NBPF19: variants seen among roughly 807,000 people sequenced by gnomAD.
The protein encoded by NBPF19 is NBPF family member NBPF19.
NBPF19 carries 30 observed loss-of-function variants against 45.9 expected under a neutral mutation model. The observed-to-expected ratio is 0.65, with a 90% CI of 0.49 to 0.89. NBPF19 has a LOEUF of 0.89. NBPF19 is among the 40% of genes least tolerant of loss of function. The pLI is 0.00. For synonymous variants in NBPF19, 183 were observed against 181.2 expected (o/e 1.01, Z -0.08); for missense variants, 495 against 471.8 (o/e 1.05, Z -0.46).
chr1:149,483,855 T>C (rs2085352565), intron 7 of NBPF19, among the ~76,000 whole-genome samples: 1 of 42,924 alleles, frequency 2.3e-5, no homozygotes, highest in Non-Finnish European at 4.6e-5. Flanking sequence ...TTGAAGGTGC[T>C]GGAGAGGATG....
In NBPF19 at chr1:149,554,721, G is replaced by A; in HGVS notation, c.11515G>A (p.Val3839Ile). Residue 3839 changes from valine to isoleucine, a missense_variant, in exon 94 of 94, where the codon GTC (valine) becomes ATC (isoleucine). By Grantham distance (29) the Val-to-Ile change is conservative. Transcript: ENST00000651566. ...TCTCCATCTGGTGTTCCAGATGTTA[G>A]TCATATTCCCACAATAGGCAGCCCT... is the stretch of plus-strand genomic sequence containing the variant. ...TSLHLVFQML[V>I]IFPQ 6.2e-7 allele frequency: 1 copy of A among 1,608,196 alleles called. No individual in the cohort carries two copies. Among genetic ancestry groups the A allele is most frequent in the African/African-American group, 1.3e-5 (1 of 74,758 alleles).
intron 17 of NBPF19, 66 bp from the exon 18 acceptor site, chr1:149,494,252 T>C: frequency 4.1e-6 from 1 of 243,452 alleles, no homozygotes; most frequent in Admixed American, 7.5e-5. Flanking sequence ...AGCCATGAAA[T>C]CTAGCTGGGG....
chr1:149,487,067 A>T (rs2085566394), intron 8 of NBPF19, among the ~76,000 whole-genome samples: 1 of 150,744 alleles, frequency 6.6e-6, no homozygotes, highest in African/African-American at 2.4e-5. Flanking sequence ...ATTGGGGAAA[A>T]ATTGCTCATT....
At chr1:149,554,335 C>T (rs1291302758) in intron 93 of NBPF19, among the ~76,000 whole-genome samples, 160 bp from the exon 94 acceptor site, 1 of 151,528 alleles carries the variant, frequency 6.6e-6, no homozygotes, top group South Asian at 2.1e-4. Context: ...TGGCCCTGTT[C>T]TATCCCAACA....
chr1:149,487,332 G>C lies in NBPF19; in HGVS notation c.989G>C (p.Arg330Thr). Residue 330 changes from arginine to threonine, a missense_variant and splice_region_variant, in exon 9 of 94, where the codon AGA (arginine) becomes ACA (threonine). By Grantham distance (71) the Arg-to-Thr change is moderately conservative. Coordinates refer to ENST00000651566, the MANE Select transcript of NBPF19 (RefSeq NM_001351365.2). ...AGGGCCCATCTGAATTTATTTGCAG[G>C]ACATCGCTGGGATCAAGTGAAAAAG... ...QQVCMAVDIG[R>T]HRWDQVKKED... 1.3e-6 allele frequency: 2 copies of C among 1,564,930 alleles called. No individual in the cohort carries two copies. The highest frequency in any genetic ancestry group is 1.7e-6 in the Non-Finnish European group (2 of 1,148,364).
At position 149,488,169 on chromosome 1, in the gene NBPF19, G is replaced by A. The variant is rs1350360484; in HGVS notation, c.1197G>A (p.Leu399=). The change falls in exon 10 of 94, where the codon TTG becomes TTA. Residue 399 remains leucine, a synonymous_variant. Transcript: ENST00000651566. The part of the protein sequence containing the change: ...FYVLEQQRVG[L]AIDMDEIEKY... ...TATTGGAGCAACAGCGTGTTGGCTT[G>A]GCTATTGACATGGATGGTGAGTACC... is the stretch of plus-strand genomic sequence containing the variant. 22 of 669,474 alleles carry A rather than the reference G, an allele frequency of 3.3e-5. No individual in the cohort carries two copies. In the East Asian group the frequency reaches 5.5e-4, roughly 17 times the overall value. The allele number at this position is 669,474 out of a possible 1,614,324, so 41.5% of individuals were successfully genotyped here. A position where few individuals can be genotyped will look rare whatever the true frequency, so the allele number is the denominator to read the frequency against.
chr1:149,528,955 G>GTGTC (rs1446992394), intron 61 of NBPF19, among the ~76,000 whole-genome samples: 8 of 126,358 alleles, frequency 6.3e-5, no homozygotes, highest in African/African-American at 1.9e-4. Flanking sequence ...CTGTGTGTGT[G>GTGTC]TGTGTGTGTG....
At chr1:149,488,222 G>C (rs2085732271) in intron 10 of NBPF19, 37 bp downstream of exon 10, 2 of 585,434 alleles carry the variant, frequency 3.4e-6, no homozygotes, top group South Asian at 2.0e-5. Flanking sequence ...AGGATCCACT[G>C]AGTCTTCTGG....
Position 149,494,246 on chromosome 1 carries a change from A to C in NBPF19, c.1998-72A>C, listed in dbSNP as rs1318786959. ...TTTTAAACAGTTCCTTATGTTAGCCATGAAATCTAGCTGGGGCTGTGTGGT... is the reference window on the plus strand; with the variant it reads ...TTTTAAACAGTTCCTTATGTTAGCCCTGAAATCTAGCTGGGGCTGTGTGGT... On this transcript the variant is annotated intron_variant, in intron 17 of 93. Transcript: ENST00000651566. 7.5e-5 allele frequency: 18 copies of C among 238,764 alleles called. No individual in the cohort carries two copies. In the African/African-American group the frequency reaches 1.7e-3, roughly 23 times the overall value. The allele number at this position is 238,764 out of a possible 1,614,324, so 14.8% of individuals were successfully genotyped here. A position where few individuals can be genotyped will look rare whatever the true frequency, so the allele number is the denominator to read the frequency against.
rs2085012992 is a variant in NBPF19, at chr1:149,479,108, A to G, written c.493+14A>G. 3.5e-6 allele frequency: 5 copies of G among 1,448,510 alleles called. No individual in the cohort carries two copies. Among genetic ancestry groups the G allele is most frequent in the Non-Finnish European group, 4.8e-6 (5 of 1,033,026 alleles). The allele number at this position is 1,448,510 out of a possible 1,614,324, so 89.7% of individuals were successfully genotyped here. A position where few individuals can be genotyped will look rare whatever the true frequency, so the allele number is the denominator to read the frequency against. ...AGCTCAGCCCAGGTAAGGTGGCCAT[A>G]GGCCCTGATGACCCAAAACCCCAGG... is the stretch of plus-strand genomic sequence containing the variant. On this transcript the variant is annotated intron_variant, in intron 4 of 93. Coordinates refer to ENST00000651566, the MANE Select transcript of NBPF19 (RefSeq NM_001351365.2).
intron 15 of NBPF19, among the ~76,000 whole-genome samples, chr1:149,492,531 GTCTCTGTCTCTC>G: frequency 8.4e-6 from 1 of 119,026 alleles, no homozygotes; most frequent in African/African-American, 3.2e-5. Flanking sequence ...CTCTGTCTCT[GTCTCTGTCTCTC>G]TCTCTGTCTC....
At chr1:149,528,883 G>T (rs2086899755) in intron 61 of NBPF19, among the ~76,000 whole-genome samples, 1 of 122,722 alleles carries the variant, frequency 8.1e-6, no homozygotes, top group African/African-American at 3.2e-5. Context: ...CTAACTCAGA[G>T]TGTCCTGTTA....
intron 49 of NBPF19, among the ~76,000 whole-genome samples, chr1:149,519,453 G>GTA (rs2086615447): frequency 2.6e-5 from 1 of 38,362 alleles, no homozygotes. Flanking sequence ...CTCTGTGTGT[G>GTA]TGTGTGTGTG....
rs2101733266 is a variant in NBPF19, at chr1:149,554,547, C to G, written c.11341C>G (p.Leu3781Val). 1.2e-6 allele frequency: 2 copies of G among 1,608,266 alleles called. No homozygotes were observed. Among genetic ancestry groups the G allele is most frequent in the East Asian group, 4.5e-5 (2 of 44,852 alleles). The change falls in exon 94 of 94, where the codon CTG becomes GTG. Residue 3781 changes from leucine to valine, a missense_variant. Leu to Val is a conservative substitution (Grantham distance 32). Around this residue, in one of 8 missense-constraint regions of NBPF19, gnomAD observed 248 missense variants for 95.4 expected, o/e 2.60. Coordinates refer to ENST00000651566, the MANE Select transcript of NBPF19 (RefSeq NM_001351365.2). ...AGAGCCTGAAGTCTTACAGGACTCACTGGATGGATGTTATTCGACTCCGTC... is the reference window on the plus strand; with the variant it reads ...AGAGCCTGAAGTCTTACAGGACTCAGTGGATGGATGTTATTCGACTCCGTC... Reference protein sequence around the residue: ...VEEPEVLQDSLDGCYSTPSMY... With the variant: ...VEEPEVLQDSVDGCYSTPSMY...
Position 149,555,599 on chromosome 1 carries a change from C to G in NBPF19, c.*861C>G, listed in dbSNP as rs2087230940. 6.7e-6 allele frequency: 1 copy of G among 148,610 alleles called. No homozygotes were observed. Among genetic ancestry groups the G allele is most frequent in the South Asian group, 2.1e-4 (1 of 4,690 alleles). 9.2% of individuals were successfully genotyped at this position (148,610 alleles called of 1,614,324 possible). On this transcript the variant is annotated 3_prime_UTR_variant, in exon 94 of 94. Transcript: ENST00000651566. The stretch of plus-strand genomic sequence containing the variant: ...GTCCATATCACCACAAATCACACAA[C>G]AAAAAGGAGAAGATATATTTTGGGT...
Position 149,488,032 on chromosome 1 carries a change from G to C in NBPF19, c.1060G>C (p.Asp354His), listed in dbSNP as rs1410969990. The C allele has an allele frequency of 1.5e-6, 1 of 688,188 alleles. No individual in the cohort carries two copies. The highest frequency in any genetic ancestry group is 2.7e-6 in the Non-Finnish European group (1 of 376,918). The allele number at this position is 688,188 out of a possible 1,614,324, so 42.6% of individuals were successfully genotyped here. The change falls in exon 10 of 94, where the codon GAT (aspartate) becomes CAT (histidine). Residue 354 changes from aspartate to histidine, a missense_variant. By Grantham distance (81) the Asp-to-His change is moderately conservative. Around this residue, in one of 8 missense-constraint regions of NBPF19, gnomAD observed 146 missense variants for 67.3 expected, o/e 2.17. Coordinates refer to ENST00000651566, the MANE Select transcript of NBPF19 (RefSeq NM_001351365.2). ...TTCCAGGCTCAGCAGGGAGCTGCTGGATGAGAAAGGGCCTGAAGTCTTGCA... is the reference window on the plus strand; with the variant it reads ...TTCCAGGCTCAGCAGGGAGCTGCTGCATGAGAAAGGGCCTGAAGTCTTGCA... Reference protein sequence around the residue: ...TGPRLSRELLDEKGPEVLQDS... With the variant: ...TGPRLSRELLHEKGPEVLQDS...
At chr1:149,484,501 A>AAT (rs1553710000) in intron 7 of NBPF19, among the ~76,000 whole-genome samples, 45 of 140,612 alleles carry the variant, frequency 3.2e-4, no homozygotes, top group Admixed American at 5.1e-4. Flanking sequence ...TATTAAAAAA[A>AAT]ATATATATAT....
At position 149,493,722 on chromosome 1, in the gene NBPF19, G is replaced by A; in HGVS notation, c.1997+11G>A. The stretch of plus-strand genomic sequence containing the variant: ...CCCATCATGCCCCAGGTAACTTTGA[G>A]CAATTATGGATGCTTAATTCTGTGT... On this transcript the variant is annotated intron_variant, in intron 17 of 93. Transcript: ENST00000651566. 1 of 179,258 alleles carries A rather than the reference G, an allele frequency of 5.6e-6. No individual in the cohort carries two copies. The highest frequency in any genetic ancestry group is 3.0e-5 in the South Asian group (1 of 33,226). The allele number at this position is 179,258 out of a possible 1,614,324, so 11.1% of individuals were successfully genotyped here.
intron 9 of NBPF19, 119 bp from the exon 10 acceptor site, chr1:149,487,894 C>A (rs1282558235): frequency 1.1e-5 from 8 of 698,008 alleles, no homozygotes; most frequent in Non-Finnish European, 2.1e-5. Context: ...TGTTACCTCA[C>A]TAATGGATCT....
Sources: allele counts gnomAD v4.1 joint callset (sites outside exome capture counted in the v4.1 genomes callset), GRCh38; gene constraint gnomAD v4.1.1; regional missense constraint gnomAD v4.1.1; transcripts MANE v1.5; gene names NCBI Gene and HGNC (gene_info 2026-07-23, HGNC 2026-07-21).